Variants in ARAP2 observed in about 807,000 individuals in gnomAD.
The protein encoded by ARAP2 is ArfGAP with RhoGAP domain, ankyrin repeat and PH domain 2.
ARAP2 carries 148 observed loss-of-function variants against 194.5 expected under a neutral mutation model. That is an observed-to-expected ratio of 0.76 (90% CI 0.67 to 0.87). The LOEUF (loss-of-function observed/expected upper bound fraction) is 0.87. ARAP2 is among the 40% of genes least tolerant of loss of function. ARAP2 has a pLI of 0.00. For synonymous variants in ARAP2, 695 were observed against 683.5 expected (o/e 1.02, Z -0.26); for missense variants, 2,128 against 1,989.7 (o/e 1.07, Z -1.32).
rs1218696030 is a variant in ARAP2 at position 36,150,998 on chromosome 4, G to A, written c.2799C>T (p.Tyr933=). 1.2e-6 allele frequency: 2 copies of A among 1,611,218 alleles called. No individual in the cohort carries two copies. The highest frequency in any genetic ancestry group is 1.7e-6 in the Non-Finnish European group (2 of 1,178,844). The part of the protein sequence containing the change: ...WCVLEGGFLS[Y]YENDKSTTPN... ...GTGTGGTAGACTTATCATTTTCATA[G>A]TAACTCAAGAAGCCTCCTTCCAAAA... The change falls in exon 16 of 33, where the codon TAC becomes TAT. Residue 933 remains tyrosine, a synonymous_variant. Transcript: ENST00000303965.
intron 16 of ARAP2, 132 bp downstream of exon 16, chr4:36,150,768 G>A (rs1321828737): frequency 6.2e-6 from 6 of 972,202 alleles, no homozygotes; most frequent in Non-Finnish European, 9.0e-6. Context: ...CGCAAGATAA[G>A]TAAGCTTCAA....
At chr4:36,120,788 A>G (rs1330615698) in intron 23 of ARAP2, among the ~76,000 whole-genome samples, 2 of 151,702 alleles carry the variant, frequency 1.3e-5, no homozygotes, top group Non-Finnish European at 3.0e-5. Flanking sequence ...TGGGGACACA[A>G]CTAAAAGAAA....
chr4:36,124,770 T>C lies in ARAP2; in HGVS notation c.3746+92A>G. 9.4e-6 allele frequency: 7 copies of C among 745,074 alleles called. No homozygotes were observed. In the South Asian group the frequency reaches 1.4e-4, roughly 14 times the overall value. 46.2% of individuals were successfully genotyped at this position (745,074 alleles called of 1,614,324 possible). On this transcript the variant is annotated intron_variant, in intron 22 of 32. Transcript: ENST00000303965. ...AAAGAGAGACTAAGGTGAGTTCTTA[T>C]GATACGTAGAAAGATTCACAATCAC...
chr4:36,055,126 T>C (rs1007317369), intron 2 of ARAP2, among the ~76,000 whole-genome samples: 1 of 152,226 alleles, frequency 6.6e-6, no homozygotes, highest in African/African-American at 2.4e-5. Context: ...ATATTGGATC[T>C]ATGAGTGCAT....
At chr4:36,025,903 T>C (rs1355680228) in intron 5 of ARAP2, among the ~76,000 whole-genome samples, 1 of 152,126 alleles carries the variant, frequency 6.6e-6, no homozygotes, top group African/African-American at 2.4e-5. Context: ...CCAGGATAAA[T>C]TAGAGAGAAA....
chr4:36,111,065 T>A (rs1459279253), intron 26 of ARAP2, among the ~76,000 whole-genome samples: 1 of 151,952 alleles, frequency 6.6e-6, no homozygotes, highest in Non-Finnish European at 1.5e-5. Flanking sequence ...ACAAAGGAAA[T>A]ACTGAATATA....
At chr4:36,146,561 C>T (rs1374975335) in intron 19 of ARAP2, among the ~76,000 whole-genome samples, 3 of 151,964 alleles carry the variant, frequency 2.0e-5, no homozygotes, top group Non-Finnish European at 4.4e-5. Context: ...TTTCAAATAC[C>T]CTTGGCCCTA....
chr4:36,208,816 G>A (rs949643257), intron 6 of ARAP2, among the ~76,000 whole-genome samples: 3 of 151,646 alleles, frequency 2.0e-5, no homozygotes, highest in South Asian at 2.1e-4. Flanking sequence ...CACTCATCTC[G>A]GTATTTTGGT....
chr4:36,159,374 C>T lies in ARAP2; in HGVS notation c.2574G>A (p.Gly858=), dbSNP rs1733374978. ...STPYLLAKKA[G]QSLQMEFLYH... is the part of the protein sequence containing the mutation. ...AGAGAAATTCCATTTGCAGACTTTG[C>T]CCAGCTTTCTTGGCTAGCAGATAGG... Residue 858 remains glycine, a synonymous_variant, in exon 14 of 33, where the codon GGG becomes GGA. Transcript: ENST00000303965. 1 of 1,608,678 alleles carries T rather than the reference C, an allele frequency of 6.2e-7. No homozygotes were observed. Among genetic ancestry groups the T allele is most frequent in the South Asian group, 1.1e-5 (1 of 90,442 alleles).
Position 36,228,995 on chromosome 4 carries a change from A to C in ARAP2, c.492T>G (p.Gly164=), listed in dbSNP as rs1230763809. ...TACCAAATAAAGAATCATTCAAAGA[A>C]CCCAAATTCAGGTGTGGTTCCTCTG... ...PTAEEPHLNL[G]SLNDSLFGSD... is the part of the protein sequence containing the mutation. The change falls in exon 2 of 33, where the codon GGT becomes GGG. Residue 164 remains glycine, a synonymous_variant. Transcript: ENST00000303965. 14 of 1,614,108 alleles carry C rather than the reference A, an allele frequency of 8.7e-6. No individual in the cohort carries two copies. Among genetic ancestry groups the C allele is most frequent in the Non-Finnish European group, 1.2e-5 (14 of 1,180,014 alleles).
chr4:36,149,950 A>T (rs1730566133), intron 16 of ARAP2, among the ~76,000 whole-genome samples: 2 of 152,192 alleles, frequency 1.3e-5, no homozygotes, highest in Admixed American at 6.5e-5. Flanking sequence ...TTCAGATTTT[A>T]ATATCAATGT....
Position 36,228,732 on chromosome 4 carries a change from A to G in ARAP2, c.755T>C (p.Met252Thr). ...PSPFFKFQGE[M>T]IVNDLYVPSS... ...TGGAACATACAAGTCATTTACAATC[A>G]TTTCTCCTTGAAACTTAAAGAATGG... Residue 252 changes from methionine (M) to threonine (T), a missense_variant, in exon 2 of 33, where the codon ATG becomes ACG. Physicochemically the swap from Met to Thr is moderately conservative, Grantham distance 81 (BLOSUM62 -1). Coordinates refer to ENST00000303965, the MANE Select transcript of ARAP2 (RefSeq NM_015230.4). 6.2e-7 allele frequency: 1 copy of G among 1,614,090 alleles called. No individual in the cohort carries two copies. Among genetic ancestry groups the G allele is most frequent in the Non-Finnish European group, 8.5e-7 (1 of 1,179,998 alleles).
intron 9 of ARAP2, among the ~76,000 whole-genome samples, chr4:36,177,357 A>G (rs1361464290): frequency 6.6e-6 from 1 of 152,132 alleles, no homozygotes; most frequent in Non-Finnish European, 1.5e-5. Context: ...TACCTTACAT[A>G]CATCTGTTCA....
chr4:36,240,169 T>A (rs559523446), intron 1 of ARAP2, among the ~76,000 whole-genome samples: 2 of 152,242 alleles, frequency 1.3e-5, no homozygotes, highest in African/African-American at 2.4e-5. Context: ...TATATAAGAA[T>A]ACCTGACATG....
In ARAP2 at chr4:36,214,968, A is replaced by T. The variant is rs183462889; in HGVS notation, c.906-488T>A. 8.7e-3 allele frequency among the ~76,000 whole-genome samples: 1,320 copies of T among 152,276 alleles called. 13 individuals are homozygous for T. Among genetic ancestry groups the T allele is most frequent in the Non-Finnish European group, 0.012 (810 of 68,004 alleles). ...GACACAATATGAAAATACACACAAGATCTTTCAAAGATCTTACAGTCTCGG... is the reference window on the plus strand; with the variant it reads ...GACACAATATGAAAATACACACAAGTTCTTTCAAAGATCTTACAGTCTCGG... On this transcript the variant is annotated intron_variant, in intron 2 of 32. Transcript: ENST00000303965.
At chr4:36,158,953 G>T in intron 14 of ARAP2, 89 bp from the exon 15 acceptor site, 1 of 1,176,230 alleles carries the variant, frequency 8.5e-7, no homozygotes, top group Non-Finnish European at 1.2e-6. Flanking sequence ...TTTTGAGCTA[G>T]AAGAAAAACT....
At chr4:36,116,963 T>A in intron 25 of ARAP2, 98 bp downstream of exon 25, 1 of 677,442 alleles carries the variant, frequency 1.5e-6, no homozygotes, top group South Asian at 3.2e-5. Flanking sequence ...ACTGGAGAGG[T>A]AATATAAAAT....
chr4:36,091,760 G>T (rs1315789881), intron 28 of ARAP2, 121 bp downstream of exon 28: 15 of 1,096,628 alleles, frequency 1.4e-5, no homozygotes, highest in Non-Finnish European at 8.6e-6. Flanking sequence ...CAAATCATCA[G>T]CTTACCATGC....
intron 6 of ARAP2, among the ~76,000 whole-genome samples, chr4:36,208,260 C>A (rs532783734): frequency 3.4e-4 from 51 of 152,202 alleles, no homozygotes; most frequent in African/African-American, 1.2e-3. Flanking sequence ...GCATTTCAGG[C>A]AGAAAGAACT....
Sources: gnomAD v4.1 joint callset for allele counts (sites outside exome capture counted in the v4.1 genomes callset) on GRCh38, gnomAD v4.1.1 for gene constraint, MANE v1.5 for transcripts, NCBI Gene and HGNC (gene_info 2026-07-23, HGNC 2026-07-21) for gene names.